The following EYS variants were observed in gnomAD, a reference collection of about 807,000 sequenced individuals.
EYS encodes the protein protein eyes shut homolog.
A neutral mutation model predicts 282.1 loss-of-function variants in EYS; 250 were observed. The observed-to-expected ratio is 0.89, with a 90% CI of 0.80 to 0.98. The LOEUF is 0.98. Among genes scored for constraint, EYS ranks in the 50% least tolerant of loss-of-function variants. The pLI is 0.00. For synonymous variants in EYS, 1,355 were observed against 1,282.9 expected (o/e 1.06, Z -1.20); for missense variants, 4,016 against 3,709.0 (o/e 1.08, Z -2.15).
At chr6:64,946,627 T>C (rs751098790) in intron 14 of EYS, among the ~76,000 whole-genome samples, 2 of 151,986 alleles carry the variant, frequency 1.3e-5, no homozygotes, top group Non-Finnish European at 2.9e-5. Flanking sequence ...TATAGCATTA[T>C]AAAAACGGTA....
At chr6:64,950,236 T>C (rs1769439235) in intron 14 of EYS, among the ~76,000 whole-genome samples, 1 of 151,904 alleles carries the variant, frequency 6.6e-6, no homozygotes, top group African/African-American at 2.4e-5. Context: ...AGTAGACATT[T>C]AAAAATATAC....
intron 5 of EYS, chr6:65,489,358 A>G (rs996409820): frequency 6.6e-6 from 1 of 152,220 alleles, no homozygotes; most frequent in African/African-American, 2.4e-5. Context: ...TTATGCAGCC[A>G]ACAGATATGT....
At chr6:63,792,819 T>C (rs2149672784) in intron 37 of EYS, among the ~76,000 whole-genome samples, 1 of 152,278 alleles carries the variant, frequency 6.6e-6, no homozygotes, top group South Asian at 2.1e-4. Flanking sequence ...TTGCTTGGTT[T>C]AATGCTCTGT....
At chr6:63,978,792 T>C (rs1307383997) in intron 35 of EYS, among the ~76,000 whole-genome samples, 1 of 151,942 alleles carries the variant, frequency 6.6e-6, no homozygotes, top group Non-Finnish European at 1.5e-5. Flanking sequence ...AATTTATGCC[T>C]CCTACCTCAT....
chr6:65,234,797 C>T (rs189786976), intron 12 of EYS, among the ~76,000 whole-genome samples: 2 of 152,158 alleles, frequency 1.3e-5, no homozygotes, highest in Non-Finnish European at 1.5e-5. Context: ...TATGTTGATG[C>T]CAAAGAGAAA....
At chr6:65,374,448 G>T (rs1350096509) in intron 8 of EYS, among the ~76,000 whole-genome samples, 2 of 151,356 alleles carry the variant, frequency 1.3e-5, no homozygotes, top group African/African-American at 4.9e-5. Context: ...CGGGCCCTGG[G>T]TTTCAAGCAC....
At chr6:65,008,610 G>A (rs188276593) in intron 13 of EYS, among the ~76,000 whole-genome samples, 2 of 152,280 alleles carry the variant, frequency 1.3e-5, no homozygotes, top group East Asian at 3.9e-4. Flanking sequence ...GATTGTCCAA[G>A]TAGAAGTAAG....
chr6:65,184,189 AG>A (rs1765460057), intron 12 of EYS, among the ~76,000 whole-genome samples: 1 of 151,930 alleles, frequency 6.6e-6, no homozygotes, highest in Non-Finnish European at 1.5e-5. Context: ...ACCACAGACT[AG>A]GTAATTTATA....
intron 14 of EYS, among the ~76,000 whole-genome samples, chr6:64,965,134 C>A (rs760275761): frequency 1.3e-5 from 2 of 152,050 alleles, no homozygotes; most frequent in Non-Finnish European, 2.9e-5. Flanking sequence ...ATTAAAACTG[C>A]AAAATTGAAG....
At chr6:63,763,196 A>G (rs936852109) in intron 40 of EYS, among the ~76,000 whole-genome samples, 4 of 152,070 alleles carry the variant, frequency 2.6e-5, no homozygotes, top group Admixed American at 1.3e-4. Context: ...GTGTCCCTCT[A>G]GCTAAAGATA....
intron 12 of EYS, among the ~76,000 whole-genome samples, chr6:65,159,391 C>T (rs1019678408): frequency 6.6e-6 from 1 of 150,758 alleles, no homozygotes; most frequent in Non-Finnish European, 1.5e-5. Flanking sequence ...TCCGTTTTAT[C>T]TCCTTTGTGT....
intron 36 of EYS, among the ~76,000 whole-genome samples, chr6:63,831,953 C>T (rs946493479): frequency 2.2e-4 from 33 of 152,248 alleles, no homozygotes; most frequent in South Asian, 1.0e-3. Context: ...GAACAACCTG[C>T]TCCTGAATGA....
intron 26 of EYS, among the ~76,000 whole-genome samples, chr6:64,507,457 C>T (rs1043368209): frequency 7.9e-5 from 12 of 152,252 alleles, no homozygotes; most frequent in Non-Finnish European, 1.5e-4. Flanking sequence ...TGTCCATTCC[C>T]TATATATGCA....
At chr6:65,068,181 A>C (rs189290241) in intron 12 of EYS, among the ~76,000 whole-genome samples, 3 of 152,216 alleles carry the variant, frequency 2.0e-5, no homozygotes, top group Admixed American at 2.0e-4. Flanking sequence ...GCTAATGCCA[A>C]CATGCATTTA....
At chr6:64,059,514 T>A (rs558060102) in intron 33 of EYS, among the ~76,000 whole-genome samples, 6 of 152,202 alleles carry the variant, frequency 3.9e-5, no homozygotes, top group Non-Finnish European at 8.8e-5. Context: ...ACATTCAGAC[T>A]GAGATGCTCC....
At chr6:63,728,073 G>A (rs1768686972) in intron 41 of EYS, among the ~76,000 whole-genome samples, 1 of 151,978 alleles carries the variant, frequency 6.6e-6, no homozygotes, top group Non-Finnish European at 1.5e-5. Flanking sequence ...TAAAATGTGA[G>A]TGTCCTTTTG....
At chr6:65,331,104 C>A in intron 11 of EYS, 1 of 983,348 alleles carries the variant, frequency 1.0e-6, no homozygotes, top group Non-Finnish European at 1.2e-6. Flanking sequence ...CCCCATTAGT[C>A]TTCCTTTTCA....
chr6:65,154,232 T>C (rs1764682242), intron 12 of EYS, among the ~76,000 whole-genome samples: 2 of 151,294 alleles, frequency 1.3e-5, no homozygotes, highest in African/African-American at 4.9e-5. Flanking sequence ...TTTAAGGAAA[T>C]AGAAAATTCA....
At chr6:64,621,948 C>T (rs963381608) in intron 23 of EYS, among the ~76,000 whole-genome samples, 1 of 152,108 alleles carries the variant, frequency 6.6e-6, no homozygotes, top group Admixed American at 6.5e-5. Context: ...TTAGATAACA[C>T]TATACATGGT....
Sources: gnomAD v4.1 joint callset for allele counts (sites outside exome capture counted in the v4.1 genomes callset) on GRCh38, gnomAD v4.1.1 for gene constraint, MANE v1.5 for transcripts, NCBI Gene and HGNC (gene_info 2026-07-23, HGNC 2026-07-21) for gene names.